PRDM5: variants seen among roughly 807,000 people sequenced by gnomAD.
The protein encoded by PRDM5 is PR/SET domain 5, also known as PR domain zinc finger protein 5.
In PRDM5, 56 loss-of-function variants were observed where a neutral mutation model predicts 81.2. That is an observed-to-expected ratio of 0.69 (90% CI 0.56 to 0.86). The LOEUF is 0.86. Among genes scored for constraint, PRDM5 ranks in the 40% least tolerant of loss-of-function variants. PRDM5 has a pLI of 0.00. For synonymous variants in PRDM5, 267 were observed against 256.4 expected (o/e 1.04, Z -0.39); for missense variants, 697 against 770.1 (o/e 0.91, Z 1.12).
chr4:120,834,734 C>T (rs1328339496), intron 3 of PRDM5, among the ~76,000 whole-genome samples: 1 of 152,064 alleles, frequency 6.6e-6, no homozygotes, highest in African/African-American at 2.4e-5. Context: ...GTAGGTGGGC[C>T]TCATCCAATC....
intron 2 of PRDM5, among the ~76,000 whole-genome samples, chr4:120,866,662 A>C (rs1761227843): frequency 6.6e-6 from 1 of 152,218 alleles, no homozygotes; most frequent in Non-Finnish European, 1.5e-5. Flanking sequence ...TACTGGAGCT[A>C]GGGATTGAAC....
intron 2 of PRDM5, among the ~76,000 whole-genome samples, chr4:120,856,056 T>C (rs1031318081): frequency 6.6e-6 from 1 of 152,224 alleles, no homozygotes; most frequent in Non-Finnish European, 1.5e-5. Flanking sequence ...AGGGGCATTG[T>C]TTGTTCTTTG....
intron 14 of PRDM5, among the ~76,000 whole-genome samples, chr4:120,745,796 T>C (rs1215284060): frequency 6.8e-6 from 1 of 146,138 alleles, no homozygotes; most frequent in Non-Finnish European, 1.5e-5. Context: ...TACAAACAAA[T>C]GGAAGAACAT....
At chr4:120,852,488 C>A (rs1759382379) in intron 3 of PRDM5, among the ~76,000 whole-genome samples, 1 of 152,076 alleles carries the variant, frequency 6.6e-6, no homozygotes, top group Non-Finnish European at 1.5e-5. Flanking sequence ...TAACAGCCTG[C>A]AACCTGGAAC....
chr4:120,727,808 C>T (rs547884830), intron 14 of PRDM5, among the ~76,000 whole-genome samples: 5 of 151,972 alleles, frequency 3.3e-5, no homozygotes, highest in East Asian at 3.9e-4. Flanking sequence ...CAGTGGCTCA[C>T]GTCTGTAATC....
At chr4:120,921,950 C>A (rs984101889) in intron 1 of PRDM5, among the ~76,000 whole-genome samples, 2 of 152,196 alleles carry the variant, frequency 1.3e-5, no homozygotes, top group African/African-American at 4.8e-5. Context: ...ATAATACATT[C>A]CAGAAGGAGG....
In PRDM5 at chr4:120,922,577, G is replaced by C. The variant is rs1441263899; in HGVS notation, c.32C>G (p.Ser11Cys). The change falls in exon 1 of 16, where the codon TCC becomes TGC. Residue 11 changes from serine (S) to cysteine (C), a missense_variant. Coordinates refer to ENST00000264808, the MANE Select transcript of PRDM5 (RefSeq NM_018699.4). ...GTCCTGAACCCGGGAGGACTTCAGG[G>C]AGAACCTGTCCGGCACGTACATGCC... MLGMYVPDRF[S>C]LKSSRVQDGM... 6.2e-7 allele frequency: 1 copy of C among 1,610,478 alleles called. No homozygotes were observed. Among genetic ancestry groups the C allele is most frequent in the Non-Finnish European group, 8.5e-7 (1 of 1,178,986 alleles).
At chr4:120,793,824 T>C (rs1442709107) in intron 10 of PRDM5, among the ~76,000 whole-genome samples, 1 of 152,154 alleles carries the variant, frequency 6.6e-6, no homozygotes, top group Non-Finnish European at 1.5e-5. Flanking sequence ...GTGTGAGTAA[T>C]GAATACATTA....
chr4:120,741,612 C>T (rs534682223), intron 14 of PRDM5, among the ~76,000 whole-genome samples: 3 of 152,132 alleles, frequency 2.0e-5, no homozygotes, highest in East Asian at 3.9e-4. Context: ...TTGCCTCACT[C>T]GGGAAGCACA....
Position 120,699,944 on chromosome 4 carries a change from A to AAAATAAAT in PRDM5, c.1729-4677_1729-4670dup, listed in dbSNP as rs5861483. On this transcript the variant is annotated intron_variant, in intron 15 of 15. Coordinates refer to ENST00000264808, the MANE Select transcript of PRDM5 (RefSeq NM_018699.4). The stretch of plus-strand genomic sequence containing the variant: ...ACTATTCTAAAATTTATATAGAACC[A>AAAATAAAT]AAATAAATAAATAAATAAATAAATA... Among the ~76,000 whole-genome samples, 1,134 of 148,590 alleles carry AAAATAAAT rather than the reference A, an allele frequency of 7.6e-3. 11 individuals are homozygous for AAAATAAAT. Among genetic ancestry groups the AAAATAAAT allele is most frequent in the South Asian group, 0.047 (220 of 4,644 alleles).
chr4:120,920,153 T>C (rs1724709313), intron 1 of PRDM5, among the ~76,000 whole-genome samples: 1 of 152,186 alleles, frequency 6.6e-6, no homozygotes. Context: ...ACCTGGTGAA[T>C]GTAATGAGGG....
intron 3 of PRDM5, among the ~76,000 whole-genome samples, chr4:120,831,104 A>C (rs1023730339): frequency 1.3e-5 from 2 of 152,116 alleles, no homozygotes; most frequent in Non-Finnish European, 2.9e-5. Context: ...TTATTTAAAA[A>C]TAAGTTATCA....
intron 3 of PRDM5, among the ~76,000 whole-genome samples, chr4:120,846,066 T>C (rs186489365): frequency 1.6e-4 from 25 of 152,318 alleles, no homozygotes; most frequent in Admixed American, 9.8e-4. Context: ...AAAACTTGTA[T>C]AGATGAGGAG....
chr4:120,707,583 A>G (rs947244807), intron 15 of PRDM5, among the ~76,000 whole-genome samples: 3 of 152,018 alleles, frequency 2.0e-5, no homozygotes, highest in Admixed American at 6.6e-5. Context: ...CAAACAAAAA[A>G]AAACAACAGA....
chr4:120,901,035 C>T (rs55962052), intron 2 of PRDM5, among the ~76,000 whole-genome samples: 12,639 of 152,106 alleles, frequency 0.083, 549 homozygotes, highest in East Asian at 0.15. Flanking sequence ...TTTAAATAAA[C>T]GAGTGATAGA....
chr4:120,898,757 T>C (rs1257966171), intron 2 of PRDM5, among the ~76,000 whole-genome samples: 1 of 152,204 alleles, frequency 6.6e-6, no homozygotes, highest in Admixed American at 6.5e-5. Context: ...CTTTATACCA[T>C]ATATCACTAC....
At chr4:120,793,650 CAAAT>C (rs747438866) in intron 10 of PRDM5, among the ~76,000 whole-genome samples, 9 of 152,054 alleles carry the variant, frequency 5.9e-5, no homozygotes, top group South Asian at 4.1e-4. Context: ...TTTTAATTGA[CAAAT>C]AAAAATTGTA....
At chr4:120,753,536 G>A (rs1042933378) in intron 14 of PRDM5, among the ~76,000 whole-genome samples, 4 of 152,042 alleles carry the variant, frequency 2.6e-5, no homozygotes, top group Non-Finnish European at 4.4e-5. Context: ...TAGCTTTTAC[G>A]TGCTGCAGAA....
chr4:120,921,689 T>C (rs1724942747), intron 1 of PRDM5, among the ~76,000 whole-genome samples: 1 of 152,174 alleles, frequency 6.6e-6, no homozygotes, highest in Non-Finnish European at 1.5e-5. Context: ...CAAGTTATAA[T>C]ATTATAAGAT....
Sources: allele counts gnomAD v4.1 joint callset (sites outside exome capture counted in the v4.1 genomes callset), GRCh38; gene constraint gnomAD v4.1.1; transcripts MANE v1.5; gene names NCBI Gene and HGNC (gene_info 2026-07-23, HGNC 2026-07-21).